The following DEFB110 variants were observed in gnomAD, a reference collection of about 807,000 sequenced individuals.
DEFB110 encodes beta-defensin 110.
DEFB110 carries 4 observed loss-of-function variants against 2.5 expected under a neutral mutation model. The observed-to-expected ratio is 1.60, with a 90% CI of 0.79 to 3.66. The LOEUF is 3.66. Ranked by LOEUF, DEFB110 falls within the 30% of genes most tolerant of loss-of-function variation. The probability of loss-of-function intolerance (pLI) is 0.01; values close to 1 mark genes in which losing one functional copy is unlikely to be tolerated. For missense variants in DEFB110, 94 were observed against 75.4 expected, an observed-to-expected ratio of 1.25 and a Z score of -0.91; for synonymous variants, 29 against 21.8, an observed-to-expected ratio of 1.33 and a Z score of -0.92.
At chr6:50,014,532 A>G (rs1490101955), downstream of DEFB110, among the ~76,000 whole-genome samples, 1 of 151,882 alleles carries the variant, frequency 6.6e-6, no homozygotes, top group Non-Finnish European at 1.5e-5. Context: ...TGGCAAAGTC[A>G]TATGTGTTCA....
downstream of DEFB110, among the ~76,000 whole-genome samples, chr6:50,018,412 G>T (rs1774354015): frequency 1.3e-5 from 2 of 151,734 alleles, no homozygotes; most frequent in African/African-American, 4.8e-5. Context: ...TAATAAATAT[G>T]AGTAGAAATT....
chr6:50,018,935 G>A lies in DEFB110; in HGVS notation c.*42C>T, dbSNP rs552388748. ...GTGCTGGGAAAACTTAATAACGCTG[G>A]TCTCTCTTCTTGGAGCTTGTGACTC... On this transcript the variant is annotated 3_prime_UTR_variant, in exon 2 of 2. Coordinates refer to ENST00000371148, the MANE Select transcript of DEFB110 (RefSeq NM_001037497.2). 28 of 1,581,958 alleles carry A rather than the reference G, an allele frequency of 1.8e-5. No individual in the cohort carries two copies. The East Asian group carries it at 5.8e-4, about 33-fold the overall frequency.
intron 1 of DEFB110, among the ~76,000 whole-genome samples, chr6:50,011,576 A>G (rs1178280979): frequency 6.6e-6 from 1 of 152,020 alleles, no homozygotes; most frequent in Non-Finnish European, 1.5e-5. Flanking sequence ...ATCTGTTCGA[A>G]AGCTAGAGCT....
intron 1 of DEFB110, among the ~76,000 whole-genome samples, chr6:50,012,070 G>A (rs894313777): frequency 1.3e-5 from 2 of 151,918 alleles, no homozygotes; most frequent in East Asian, 3.9e-4. Context: ...CTCTTATAGT[G>A]CTAAAAATTA....
At chr6:50,016,271 G>T (rs981412114), downstream of DEFB110, among the ~76,000 whole-genome samples, 1 of 151,482 alleles carries the variant, frequency 6.6e-6, no homozygotes, top group Non-Finnish European at 1.5e-5. Context: ...GATTCATATG[G>T]GTATTGAACT....
intron 1 of DEFB110, among the ~76,000 whole-genome samples, chr6:50,009,715 A>C (rs1312674552): frequency 3.9e-5 from 6 of 152,192 alleles, no homozygotes; most frequent in Non-Finnish European, 4.4e-5. Flanking sequence ...ATCATAGAGA[A>C]ACTAGAGAAG....
At chr6:50,013,451 C>A (rs1053922533) in intron 1 of DEFB110, among the ~76,000 whole-genome samples, 2 of 151,680 alleles carry the variant, frequency 1.3e-5, no homozygotes, top group African/African-American at 4.8e-5. Context: ...TCAAACTGTG[C>A]ACAGGTGGCA....
chr6:50,010,406 C>T (rs754939896), intron 1 of DEFB110, among the ~76,000 whole-genome samples: 1 of 151,438 alleles, frequency 6.6e-6, no homozygotes, highest in Non-Finnish European at 1.5e-5. Flanking sequence ...CATTAGGTTC[C>T]GAAGCAGAGA....
chr6:50,021,311 G>A (rs752266231), intron 1 of DEFB110, among the ~76,000 whole-genome samples: 2 of 152,150 alleles, frequency 1.3e-5, no homozygotes, highest in Admixed American at 1.3e-4. Context: ...AGTAGTACAA[G>A]TTGTGATGAG....
exon 2 of DEFB110, chr6:50,009,245 T>C: frequency 1.2e-6 from 2 of 1,602,864 alleles, no homozygotes; most frequent in Non-Finnish European, 1.7e-6. Flanking sequence ...CTTTCAAATC[T>C]ATACTTTGGT....
At chr6:50,019,215 T>C (rs1220562990) in intron 1 of DEFB110, 90 bp from the exon 2 acceptor site, 2 of 1,395,008 alleles carry the variant, frequency 1.4e-6, no homozygotes, top group Non-Finnish European at 1.9e-6. Context: ...CAAAAGATTA[T>C]AGAGTGAAAA....
chr6:50,018,558 G>T (rs552401139), downstream of DEFB110, among the ~76,000 whole-genome samples: 4 of 151,850 alleles, frequency 2.6e-5, no homozygotes, highest in African/African-American at 9.7e-5. Flanking sequence ...ATATATTTAC[G>T]TGGGGGTAAT....
chr6:50,009,374 T>C, intron 1 of DEFB110: 2 of 1,249,028 alleles, frequency 1.6e-6, no homozygotes, highest in Non-Finnish European at 2.2e-6. Context: ...ATCATGTGTG[T>C]GCAAGTTGGA....
In DEFB110 at chr6:50,009,186, C is replaced by G. The variant is rs761032741; in HGVS notation, c.141G>C (p.Glu47Asp). The stretch of plus-strand genomic sequence containing the variant: ...ATTTAATGCAGTATCCATAATCATA[C>G]TCAACATCATCACAAAACGTTTTAC... Residue 47 changes from glutamate (E) to aspartate (D), a missense_variant, in exon 2 of 2, where the codon GAG (glutamate) becomes GAC (aspartate). Coordinates refer to the DEFB110 transcript ENST00000393660. 1.5e-5 allele frequency: 24 copies of G among 1,610,862 alleles called. No homozygotes were observed. In the African/African-American group the frequency reaches 3.1e-4, roughly 21 times the overall value.
intron 1 of DEFB110, among the ~76,000 whole-genome samples, chr6:50,010,241 T>C (rs1275437891): frequency 1.3e-5 from 2 of 151,944 alleles, no homozygotes; most frequent in East Asian, 3.9e-4. Flanking sequence ...TTTGTTAAAA[T>C]TTAGAGAATG....
intron 1 of DEFB110, among the ~76,000 whole-genome samples, chr6:50,013,084 C>A (rs1774252782): frequency 6.6e-6 from 1 of 151,768 alleles, no homozygotes; most frequent in Admixed American, 6.6e-5. Flanking sequence ...CTTTTCTAAG[C>A]CAGTTATATT....
rs188984515 is a variant in DEFB110, at chr6:50,012,027, C to A, written c.56-2756G>T. On this transcript the variant is annotated intron_variant, in intron 1 of 1. Coordinates refer to the DEFB110 transcript ENST00000393660. ...TTAAATTGAGGTTTTATTGAAATTT[C>A]AAAAGATATAATGAGATAAAATATG... is the stretch of plus-strand genomic sequence containing the variant. Among the ~76,000 whole-genome samples the A allele has an allele frequency of 4.8e-3, 733 of 152,038 alleles. 5 individuals carry two copies. The highest frequency in any genetic ancestry group is 7.4e-3 in the Non-Finnish European group (501 of 67,928).
chr6:50,016,122 A>G (rs1439933763), downstream of DEFB110, among the ~76,000 whole-genome samples: 1 of 151,852 alleles, frequency 6.6e-6, no homozygotes. Flanking sequence ...GTTCTTGCCC[A>G]AGGATATTGA....
At position 50,018,853 on chromosome 6, in the gene DEFB110, A is replaced by G; in HGVS notation, c.*124T>C. The G allele has an allele frequency of 7.0e-7, 1 of 1,434,276 alleles. No individual in the cohort carries two copies. The highest frequency in any genetic ancestry group is 2.9e-5 in the Admixed American group (1 of 34,036). The allele number at this position is 1,434,276 out of a possible 1,614,324, so 88.8% of individuals were successfully genotyped here. A position where few individuals can be genotyped will look rare whatever the true frequency, so the allele number is the denominator to read the frequency against. The stretch of plus-strand genomic sequence containing the variant: ...ACATATGATCACTTCTGAATGGTTC[A>G]ACATTAATTTTTATTTAGTTCTTGT... On this transcript the variant is annotated 3_prime_UTR_variant, in exon 2 of 2. Coordinates refer to ENST00000371148, the MANE Select transcript of DEFB110 (RefSeq NM_001037497.2).
Sources: allele counts gnomAD v4.1 joint callset (sites outside exome capture counted in the v4.1 genomes callset), GRCh38; gene constraint gnomAD v4.1.1; transcripts MANE v1.5; gene names NCBI Gene and HGNC (gene_info 2026-07-23, HGNC 2026-07-21).